The following CDH23 variants were observed in gnomAD, a reference collection of about 807,000 sequenced individuals.
The protein encoded by CDH23 is cadherin related 23, also known as cadherin-23.
CDH23 carries 189 observed loss-of-function variants against 317.1 expected under a neutral mutation model. The ratio of observed to expected loss-of-function variants is 0.60; its 90% CI spans 0.53 to 0.67. The LOEUF (loss-of-function observed/expected upper bound fraction) is 0.67. Ranked by LOEUF, CDH23 falls within the 30% of genes least tolerant of loss-of-function variation. CDH23 has a pLI of 0.00. For missense variants in CDH23, 4,401 were observed against 4,592.4 expected (o/e 0.96, Z 1.20); for synonymous variants, 1,839 against 1,876.8 (o/e 0.98, Z 0.52).
chr10:71,410,746 G>T (rs1848312450), intron 1 of CDH23, among the ~76,000 whole-genome samples: 1 of 152,130 alleles, frequency 6.6e-6, no homozygotes, highest in South Asian at 2.1e-4. Flanking sequence ...AATGCAGTGG[G>T]TTCTCTTTGT....
intron 3 of CDH23, among the ~76,000 whole-genome samples, chr10:71,450,209 A>G (rs2132032968): frequency 6.6e-6 from 1 of 151,596 alleles, no homozygotes; most frequent in South Asian, 2.1e-4. Context: ...TGCCTTTAGC[A>G]TGAGGGACAG....
chr10:71,770,003 C>T (rs1266932993), intron 38 of CDH23, among the ~76,000 whole-genome samples: 3 of 152,216 alleles, frequency 2.0e-5, no homozygotes, highest in African/African-American at 7.2e-5. Context: ...ATGGGCATTT[C>T]AGACTGTGAG....
intron 1 of CDH23, among the ~76,000 whole-genome samples, chr10:71,420,460 A>ATGGTG (rs1848721637): frequency 1.1e-3 from 10 of 9,256 alleles, no homozygotes; most frequent in South Asian, 5.0e-3. Flanking sequence ...TGGTGATGAT[A>ATGGTG]ATGATGATGG....
intron 7 of CDH23, among the ~76,000 whole-genome samples, chr10:71,568,809 G>C (rs1056374237): frequency 6.6e-6 from 1 of 152,188 alleles, no homozygotes; most frequent in African/African-American, 2.4e-5. Flanking sequence ...AGAGCCATGG[G>C]CCCCAGAGTT....
chr10:71,617,106 T>C (rs1283323362), intron 10 of CDH23, 99 bp from the exon 11 acceptor site: 3 of 1,465,712 alleles, frequency 2.0e-6, no homozygotes, highest in South Asian at 2.7e-5. Context: ...ATCATTCACA[T>C]TGAGGCACAG....
chr10:71,716,319 T>C (rs918471171), intron 28 of CDH23: 2 of 1,494,362 alleles, frequency 1.3e-6, no homozygotes, highest in East Asian at 2.5e-5. Context: ...CTGGCGAGGC[T>C]GGGGCCCTCT....
chr10:71,761,095 G>A (rs575196887), intron 38 of CDH23, among the ~76,000 whole-genome samples: 2 of 152,282 alleles, frequency 1.3e-5, no homozygotes, highest in East Asian at 3.9e-4. Flanking sequence ...ACCCTGGCAT[G>A]TTCTCACCCT....
chr10:71,752,755 G>A (rs1294057506), intron 38 of CDH23, among the ~76,000 whole-genome samples: 1 of 152,172 alleles, frequency 6.6e-6, no homozygotes, highest in Admixed American at 6.5e-5. Context: ...CCGAAGGTGG[G>A]TGCATGACAC....
intron 3 of CDH23, among the ~76,000 whole-genome samples, chr10:71,481,661 G>A (rs1408191836): frequency 6.6e-6 from 1 of 152,222 alleles, no homozygotes; most frequent in African/African-American, 2.4e-5. Flanking sequence ...TTTAAGTGCT[G>A]GAAGCTGGGA....
intron 38 of CDH23, chr10:71,750,980 G>A: frequency 2.3e-6 from 1 of 440,422 alleles, no homozygotes. Flanking sequence ...TAAGATGTAA[G>A]TCATTTGGCA....
chr10:71,531,450 AT>A (rs1469134775), intron 6 of CDH23, among the ~76,000 whole-genome samples: 3 of 152,198 alleles, frequency 2.0e-5, no homozygotes, highest in African/African-American at 7.2e-5. Context: ...TAAGATGCCC[AT>A]TTGCCCCTTA....
In CDH23 at chr10:71,480,350, G is replaced by C. The variant is rs141671711; in HGVS notation, c.146-29732G>C. ...AGCAGTTTATTCAACAAGCACTTAA[G>C]CCAGGCTGTACTCTGGGAGGACAGT... On this transcript the variant is annotated intron_variant, in intron 3 of 69. Transcript: ENST00000224721. 1.9e-3 allele frequency among the ~76,000 whole-genome samples: 289 copies of C among 152,366 alleles called. 3 individuals are homozygous for C. Among genetic ancestry groups the C allele is most frequent in the African/African-American group, 6.8e-3 (283 of 41,580 alleles).
intron 11 of CDH23, among the ~76,000 whole-genome samples, chr10:71,627,002 G>A (rs574414699): frequency 1.3e-5 from 2 of 152,124 alleles, no homozygotes; most frequent in South Asian, 4.1e-4. Context: ...AGCCCATCCT[G>A]GATGTTCTTA....
intron 34 of CDH23, among the ~76,000 whole-genome samples, chr10:71,735,777 C>T (rs1352903826): frequency 6.6e-6 from 1 of 152,208 alleles, no homozygotes; most frequent in African/African-American, 2.4e-5. Context: ...ACCTAAAGGC[C>T]CCCTCCATCC....
intron 38 of CDH23, among the ~76,000 whole-genome samples, chr10:71,759,478 G>T (rs1035942026): frequency 6.6e-6 from 1 of 151,736 alleles, no homozygotes; most frequent in Non-Finnish European, 1.5e-5. Context: ...CTGCATTCCA[G>T]CCTGAGTGAC....
intron 3 of CDH23, among the ~76,000 whole-genome samples, chr10:71,464,311 G>A (rs150904636): frequency 6.4e-4 from 98 of 152,226 alleles, no homozygotes; most frequent in African/African-American, 2.1e-3. Flanking sequence ...ATTTATGTCC[G>A]CCTCTGTGTG....
rs1841528967 is a variant in CDH23, at chr10:71,800,522, CTCT to C, written c.7363-112_7363-110del. The C allele has an allele frequency of 3.2e-6, 4 of 1,255,672 alleles. No homozygotes were observed. In the South Asian group the frequency reaches 5.5e-5, roughly 17 times the overall value. The allele number at this position is 1,255,672 out of a possible 1,614,324, so 77.8% of individuals were successfully genotyped here. On this transcript the variant is annotated intron_variant, in intron 52 of 69. Coordinates refer to ENST00000224721, the MANE Select transcript of CDH23 (RefSeq NM_022124.6). ...GCTTGCTGGGGGCAGAGGTTATTGT[CTCT>C]TTTGTTCAGTGTCAAATCTCCAGAG...
At chr10:71,476,789 C>T (rs1009466087) in intron 3 of CDH23, among the ~76,000 whole-genome samples, 2 of 152,200 alleles carry the variant, frequency 1.3e-5, no homozygotes, top group East Asian at 1.9e-4. Context: ...CAAAGCACCC[C>T]CTTTGGCGTG....
chr10:71,635,384 T>C (rs1451193674), intron 11 of CDH23: 1 of 152,652 alleles, frequency 6.6e-6, no homozygotes, highest in Admixed American at 6.5e-5. Context: ...TCTGGTATTC[T>C]TCCCCCAAAG....
Sources: allele counts gnomAD v4.1 joint callset (sites outside exome capture counted in the v4.1 genomes callset), GRCh38; gene constraint gnomAD v4.1.1; transcripts MANE v1.5; gene names NCBI Gene and HGNC (gene_info 2026-07-23, HGNC 2026-07-21).